WDPCP: variants seen among roughly 807,000 people sequenced by gnomAD.
WDPCP encodes the protein WD repeat-containing and planar cell polarity effector protein fritz homolog.
In WDPCP, 71 loss-of-function variants were observed where a neutral mutation model predicts 93.1. The ratio of observed to expected loss-of-function variants is 0.76; its 90% CI spans 0.63 to 0.93. WDPCP has a LOEUF of 0.93. Among genes scored for constraint, WDPCP ranks in the 40% least tolerant of loss-of-function variants. WDPCP has a pLI of 0.00. For missense variants in WDPCP, 844 were observed against 887.4 expected (o/e 0.95, Z 0.62); for synonymous variants, 315 against 315.0 (o/e 1.00, Z 0.00).
intron 3 of WDPCP, among the ~76,000 whole-genome samples, chr2:63,645,582 T>C (rs185603556): frequency 4.1e-4 from 62 of 152,348 alleles, no homozygotes; most frequent in Non-Finnish European, 7.8e-4. Flanking sequence ...GGAAGATCTG[T>C]CCAATGTTGA....
intron 14 of WDPCP, among the ~76,000 whole-genome samples, chr2:63,200,832 G>A (rs1675851644): frequency 6.6e-6 from 1 of 152,144 alleles, no homozygotes; most frequent in African/African-American, 2.4e-5. Context: ...ATGTAAGATA[G>A]ACAGTAGAAG....
At position 63,304,718 on chromosome 2, in the gene WDPCP, C is replaced by T. The variant is rs185186619; in HGVS notation, c.1812+8530G>A. ...AGCTGCAGGAGTTTTTTTTCATACCCCAGTGGTGCCTGGAATGCCAGTGAG... is the reference window on the plus strand; with the variant it reads ...AGCTGCAGGAGTTTTTTTTCATACCTCAGTGGTGCCTGGAATGCCAGTGAG... On this transcript the variant is annotated intron_variant, in intron 13 of 17. Transcript: ENST00000272321. Among the ~76,000 whole-genome samples, 23 of 152,216 alleles carry T rather than the reference C, an allele frequency of 1.5e-4. No individual in the cohort carries two copies. The East Asian group carries it at 4.2e-3, about 28-fold the overall frequency.
intron 12 of WDPCP, among the ~76,000 whole-genome samples, chr2:63,332,136 A>G (rs972218206): frequency 3.3e-5 from 5 of 150,822 alleles, no homozygotes; most frequent in Non-Finnish European, 7.4e-5. Flanking sequence ...ATTTTTATGT[A>G]TATGTTCCAA....
intron 14 of WDPCP, among the ~76,000 whole-genome samples, chr2:63,240,556 G>T (rs961104708): frequency 6.6e-6 from 1 of 152,122 alleles, no homozygotes; most frequent in Non-Finnish European, 1.5e-5. Context: ...ATTATTGATA[G>T]AAGATATTTT....
intron 12 of WDPCP, among the ~76,000 whole-genome samples, chr2:63,325,480 G>A (rs992838201): frequency 1.1e-4 from 16 of 152,184 alleles, no homozygotes; most frequent in African/African-American, 3.9e-4. Flanking sequence ...CCCAGGTATG[G>A]TTAACCATTG....
chr2:63,573,353 C>T (rs529413925), intron 1 of WDPCP, among the ~76,000 whole-genome samples: 103 of 152,228 alleles, frequency 6.8e-4, no homozygotes, highest in Non-Finnish European at 1.1e-3. Flanking sequence ...CCGGCTGAAG[C>T]CATGGCAGAA....
At chr2:63,217,292 T>G (rs913113373) in intron 14 of WDPCP, among the ~76,000 whole-genome samples, 5 of 152,238 alleles carry the variant, frequency 3.3e-5, no homozygotes, top group African/African-American at 1.2e-4. Flanking sequence ...ATCTATCATC[T>G]ATGGCTGCTT....
At chr2:63,824,165 T>C (rs1043826006) in intron 1 of WDPCP, among the ~76,000 whole-genome samples, 9 of 152,078 alleles carry the variant, frequency 5.9e-5, no homozygotes, top group African/African-American at 1.4e-4. Context: ...TGAGATCTGA[T>C]GGTTTTATAA....
intron 12 of WDPCP, among the ~76,000 whole-genome samples, chr2:63,363,047 T>G (rs1690605340): frequency 6.6e-6 from 1 of 152,152 alleles, no homozygotes; most frequent in South Asian, 2.1e-4. Flanking sequence ...ATATATATAC[T>G]TCCACTTATT....
rs766712428 is a variant in WDPCP, at chr2:63,379,229, A to G, written c.1625-720T>C. 2.6e-5 allele frequency among the ~76,000 whole-genome samples: 4 copies of G among 152,282 alleles called. No individual in the cohort carries two copies. The South Asian group carries it at 8.3e-4, about 32-fold the overall frequency. On this transcript the variant is annotated intron_variant, in intron 11 of 17. Coordinates refer to ENST00000272321, the MANE Select transcript of WDPCP (RefSeq NM_015910.7). Reference sequence around the variant, plus strand: ...TTTTCCCAGAAATACCTGGAAGTTAAGTAATTACCATAATGGTGAGAGTAA... The same window carrying G: ...TTTTCCCAGAAATACCTGGAAGTTAGGTAATTACCATAATGGTGAGAGTAA...
At chr2:63,337,624 C>T (rs531336549) in intron 12 of WDPCP, among the ~76,000 whole-genome samples, 8 of 152,324 alleles carry the variant, frequency 5.3e-5, no homozygotes, top group African/African-American at 1.2e-4. Flanking sequence ...TTCTCACCAA[C>T]GGTGTATAAG....
chr2:63,739,989 T>C (rs1410505778), intron 2 of WDPCP, among the ~76,000 whole-genome samples: 2 of 152,236 alleles, frequency 1.3e-5, no homozygotes, highest in Middle Eastern at 3.4e-3. Flanking sequence ...ATGAACATTA[T>C]GTTCATTAAC....
chr2:63,834,829 T>C, the WDPCP span, among the ~76,000 whole-genome samples: 1 of 152,202 alleles, frequency 6.6e-6, no homozygotes. Context: ...GCAGCTCTGG[T>C]GGCTCTGAAA....
intron 14 of WDPCP, among the ~76,000 whole-genome samples, chr2:63,235,569 C>T (rs1043679504): frequency 6.6e-6 from 1 of 152,112 alleles, no homozygotes; most frequent in African/African-American, 2.4e-5. Flanking sequence ...AGGCCAACAT[C>T]CCTGATGAAC....
intron 3 of WDPCP, among the ~76,000 whole-genome samples, chr2:63,608,054 C>T (rs898514892): frequency 2.0e-5 from 3 of 151,904 alleles, no homozygotes; most frequent in Admixed American, 2.0e-4. Context: ...TGAACAAATA[C>T]CATATTTTTA....
At chr2:63,679,601 G>A (rs993063667) in intron 2 of WDPCP, among the ~76,000 whole-genome samples, 8 of 152,232 alleles carry the variant, frequency 5.3e-5, no homozygotes. Context: ...TTTTGAGGTG[G>A]ATTTAGGAGC....
At chr2:63,148,948 G>A (rs993025685) in intron 17 of WDPCP, among the ~76,000 whole-genome samples, 1 of 151,948 alleles carries the variant, frequency 6.6e-6, no homozygotes, top group Non-Finnish European at 1.5e-5. Context: ...AATAAAAGGA[G>A]ATTATCTGTA....
intron 14 of WDPCP, among the ~76,000 whole-genome samples, chr2:63,256,795 T>C (rs1681190805): frequency 6.6e-6 from 1 of 152,154 alleles, no homozygotes; most frequent in Non-Finnish European, 1.5e-5. Context: ...CGAAAGATTC[T>C]CAGATTCATA....
chr2:63,231,357 G>T (rs1334871202), intron 14 of WDPCP, among the ~76,000 whole-genome samples: 1 of 152,120 alleles, frequency 6.6e-6, no homozygotes, highest in African/African-American at 2.4e-5. Context: ...AGGAAATAAA[G>T]AGTATTCAGT....
Sources: allele counts gnomAD v4.1 joint callset (sites outside exome capture counted in the v4.1 genomes callset), GRCh38; gene constraint gnomAD v4.1.1; transcripts MANE v1.5; gene names NCBI Gene and HGNC (gene_info 2026-07-23, HGNC 2026-07-21).